The following RIF1 variants were observed in gnomAD, a reference collection of about 807,000 sequenced individuals.
The protein encoded by RIF1 is telomere-associated protein RIF1.
A neutral mutation model predicts 247.1 loss-of-function variants in RIF1; 45 were observed. The observed-to-expected ratio is 0.18, with a 90% CI of 0.14 to 0.23. RIF1 has a LOEUF of 0.23. Among genes scored for constraint, RIF1 ranks in the 10% least tolerant of loss-of-function variants. RIF1 has a pLI of 1.00. For missense variants in RIF1, 2,967 were observed against 2,862.5 expected (o/e 1.04, Z -0.83); for synonymous variants, 1,087 against 978.8 (o/e 1.11, Z -2.06).
At chr2:151,453,396 G>T (rs1018226212) in intron 21 of RIF1, among the ~76,000 whole-genome samples, 2 of 151,922 alleles carry the variant, frequency 1.3e-5, no homozygotes, top group Non-Finnish European at 2.9e-5. Flanking sequence ...GGCCAACAGG[G>T]CTACAACCTG....
At chr2:151,446,884 C>T (rs1199276331) in intron 20 of RIF1, among the ~76,000 whole-genome samples, 1 of 151,490 alleles carries the variant, frequency 6.6e-6, no homozygotes, top group African/African-American at 2.4e-5. Context: ...TCTGTTAGAT[C>T]TTTAAATTCA....
chr2:151,414,201 T>C (rs1025079476), intron 3 of RIF1, among the ~76,000 whole-genome samples: 2 of 151,602 alleles, frequency 1.3e-5, no homozygotes, highest in African/African-American at 2.4e-5. Flanking sequence ...TCCCAGCTGC[T>C]CTTGAACCTG....
chr2:151,518,249 G>T, the RIF1 span: 2 of 1,131,912 alleles, frequency 1.8e-6, no homozygotes, highest in Non-Finnish European at 2.7e-6. Context: ...GGGAATCTAT[G>T]AAATTTTTTT....
the RIF1 span, among the ~76,000 whole-genome samples, chr2:151,521,064 A>G: frequency 4.6e-5 from 7 of 152,200 alleles, no homozygotes; most frequent in Non-Finnish European, 1.0e-4. Flanking sequence ...CAAAAGGGCA[A>G]TATTTAACCC....
intron 21 of RIF1, among the ~76,000 whole-genome samples, chr2:151,452,852 C>A (rs935733893): frequency 1.1e-4 from 17 of 152,154 alleles, no homozygotes; most frequent in African/African-American, 4.1e-4. Flanking sequence ...TAGATTTAAC[C>A]GAATATCCAA....
At chr2:151,440,410 A>G (rs1318909263) in intron 15 of RIF1, among the ~76,000 whole-genome samples, 1 of 152,230 alleles carries the variant, frequency 6.6e-6, no homozygotes, top group Non-Finnish European at 1.5e-5. Context: ...ACTTGAACTG[A>G]AGAAACTCAG....
chr2:151,410,668 G>A lies in RIF1; in HGVS notation c.104+141G>A, dbSNP rs879082099. 1.0e-4 allele frequency: 71 copies of A among 688,244 alleles called. 1 individual carries two copies. The highest frequency in any genetic ancestry group is 9.7e-4 in the South Asian group (54 of 55,514). The allele number at this position is 688,244 out of a possible 1,614,324, so 42.6% of individuals were successfully genotyped here. A position where few individuals can be genotyped will look rare whatever the true frequency, so the allele number is the denominator to read the frequency against. On this transcript the variant is annotated intron_variant, in intron 2 of 35. Transcript: ENST00000444746. ...GGACGCCCGAGTCGCGGACGCCTTG[G>A]GGGGCGGGGGAGATGTATTCTAGGT...
chr2:151,421,996 C>T (rs1043384666), intron 7 of RIF1, among the ~76,000 whole-genome samples: 17 of 151,646 alleles, frequency 1.1e-4, no homozygotes, highest in African/African-American at 3.4e-4. Flanking sequence ...CATGCCCGAC[C>T]GATATTTGTA....
At position 151,463,257 on chromosome 2, in the gene RIF1, C is replaced by T. The variant is rs1696462268; in HGVS notation, c.3737C>T (p.Thr1246Ile). Residue 1246 changes from threonine (T) to isoleucine (I), a missense_variant, in exon 30 of 36, where the codon ACT (threonine) becomes ATT (isoleucine). By Grantham distance (89) the Thr-to-Ile change is moderately conservative. Around this residue, in one of 7 missense-constraint regions of RIF1, gnomAD observed 2,028 missense variants for 1,825.6 expected, o/e 1.11. Transcript: ENST00000444746. Reference protein sequence around the residue: ...SPSPLNNISSTVTVKNNQETM... With the variant: ...SPSPLNNISSIVTVKNNQETM... The stretch of plus-strand genomic sequence containing the variant: ...TCCCCCTTGAATAATATTTCATCAA[C>T]TGTTACAGTGAAAAATAACCAGGAA... The T allele has an allele frequency of 6.2e-7, 1 of 1,613,352 alleles. No individual in the cohort carries two copies.
rs1192058171 is a variant in RIF1 at position 151,479,944 on chromosome 2, T to C, written c.*4873T>C. On this transcript the variant is annotated 3_prime_UTR_variant, in exon 36 of 36. Coordinates refer to ENST00000444746, the MANE Select transcript of RIF1 (RefSeq NM_018151.5). ...GTGCCAGGCTTTACATATTGCTCTTTGCAAGTAGCCGTTAAAGTGTAAGTC... is the reference window on the plus strand; with the variant it reads ...GTGCCAGGCTTTACATATTGCTCTTCGCAAGTAGCCGTTAAAGTGTAAGTC... 1 of 152,212 alleles carries C rather than the reference T, an allele frequency of 6.6e-6. No homozygotes were observed. Among genetic ancestry groups the C allele is most frequent in the Non-Finnish European group, 1.5e-5 (1 of 68,026 alleles). The allele number at this position is 152,212 out of a possible 1,614,324, so 9.4% of individuals were successfully genotyped here.
At chr2:151,462,785 G>C in intron 29 of RIF1, 99 bp from the exon 30 acceptor site, 2 of 811,922 alleles carry the variant, frequency 2.5e-6, no homozygotes, top group Non-Finnish European at 3.9e-6. Flanking sequence ...GATTATCTTT[G>C]GGTTACCGAA....
intron 9 of RIF1, 144 bp downstream of exon 9, chr2:151,429,066 T>C (rs1689594779): frequency 3.4e-6 from 2 of 595,902 alleles, no homozygotes; most frequent in Admixed American, 6.5e-5. Flanking sequence ...CAGGAATAAA[T>C]TTGTACTGAA....
chr2:151,463,758 C>T lies in RIF1; in HGVS notation c.4238C>T (p.Thr1413Ile), dbSNP rs760896502. 3.7e-6 allele frequency: 6 copies of T among 1,613,886 alleles called. No homozygotes were observed. In the Admixed American group the frequency reaches 8.3e-5, roughly 22 times the overall value. ...GTTCAGATAACTCCAAATCAGAAAA[C>T]CCTTAGACGGTCTTCAAGGCGACGT... ...SQVQITPNQK[T>I]LRRSSRRRSE... is the part of the protein sequence containing the mutation. Residue 1413 changes from threonine (T) to isoleucine (I), a missense_variant, in exon 30 of 36, where the codon ACC becomes ATC. Physicochemically the swap from Thr to Ile is moderately conservative, Grantham distance 89. This residue lies in a region of RIF1 where 2,028 missense variants were observed against 1,825.6 expected (regional missense o/e 1.11). Coordinates refer to ENST00000444746, the MANE Select transcript of RIF1 (RefSeq NM_018151.5).
chr2:151,521,424 G>T, the RIF1 span, among the ~76,000 whole-genome samples: 1 of 152,324 alleles, frequency 6.6e-6, no homozygotes, highest in Admixed American at 6.5e-5. Context: ...GAAGTGGAAG[G>T]CCTGCTAAGG....
At chr2:151,532,244 CA>C in the RIF1 span, 1 of 195,166 alleles carries the variant, frequency 5.1e-6, no homozygotes, top group Non-Finnish European at 1.1e-5. Context: ...GTTTTATACA[CA>C]TGTACTCGGA....
chr2:151,420,748 A>G lies in RIF1; in HGVS notation c.693+369A>G, dbSNP rs543758789. 1.3e-3 allele frequency among the ~76,000 whole-genome samples: 201 copies of G among 152,038 alleles called. 1 individual carries two copies. The highest frequency in any genetic ancestry group is 2.7e-3 in the South Asian group (13 of 4,824). ...AGACCCTGTCTCAAAAAAAAAAAAA[A>G]AAAAAAATCTGTCTGGGCATATTGG... On this transcript the variant is annotated intron_variant, in intron 7 of 35. Coordinates refer to ENST00000444746, the MANE Select transcript of RIF1 (RefSeq NM_018151.5).
intron 21 of RIF1, 150 bp downstream of exon 21, chr2:151,451,855 A>G (rs1480811448): frequency 1.8e-6 from 1 of 546,268 alleles, no homozygotes; most frequent in Non-Finnish European, 3.3e-6. Flanking sequence ...GAGCTTTCAT[A>G]CATGTTCTCT....
At chr2:151,524,529 T>C in the RIF1 span, 2 of 1,614,016 alleles carry the variant, frequency 1.2e-6, no homozygotes, top group Admixed American at 3.3e-5. Flanking sequence ...CTGGCCTGTT[T>C]GGCTGCCTGT....
At chr2:151,474,655 A>G (rs2152551078) in intron 35 of RIF1, among the ~76,000 whole-genome samples, 1 of 152,278 alleles carries the variant, frequency 6.6e-6, no homozygotes, top group South Asian at 2.1e-4. Flanking sequence ...CAGCCTGGGC[A>G]ATAGAATGAG....
Sources: allele counts gnomAD v4.1 joint callset (sites outside exome capture counted in the v4.1 genomes callset), GRCh38; gene constraint gnomAD v4.1.1; regional missense constraint gnomAD v4.1.1; transcripts MANE v1.5; gene names NCBI Gene and HGNC (gene_info 2026-07-23, HGNC 2026-07-21).